Variants in PADI6 observed in about 807,000 individuals in gnomAD.
PADI6 encodes the protein peptidyl arginine deiminase 6, also known as inactive protein-arginine deiminase type-6.
PADI6 carries 66 observed loss-of-function variants against 78.2 expected under a neutral mutation model. The observed-to-expected ratio is 0.84, with a 90% CI of 0.69 to 1.04. The LOEUF is 1.04. PADI6 is among the 50% of genes least tolerant of loss of function. PADI6 has a pLI of 0.00. For missense variants in PADI6, 854 were observed against 866.1 expected, an observed-to-expected ratio of 0.99 and a Z score of 0.18; for synonymous variants, 397 against 346.9, an observed-to-expected ratio of 1.14 and a Z score of -1.60.
At chr1:17,390,819 G>A (rs946628419) in intron 8 of PADI6, among the ~76,000 whole-genome samples, 6 of 152,216 alleles carry the variant, frequency 3.9e-5, no homozygotes, top group South Asian at 2.1e-4. Context: ...ATTTGAAGAC[G>A]GGTTTCTCAC....
At chr1:17,398,049 C>T (rs2100326903) in intron 14 of PADI6, among the ~76,000 whole-genome samples, 1 of 152,156 alleles carries the variant, frequency 6.6e-6, no homozygotes, top group East Asian at 1.9e-4. Context: ...AGCAGAGTCT[C>T]CCCAACTTGT....
chr1:17,390,962 C>T (rs185904930), intron 8 of PADI6, among the ~76,000 whole-genome samples: 17 of 152,302 alleles, frequency 1.1e-4, no homozygotes, highest in Non-Finnish European at 1.5e-4. Flanking sequence ...CCCCAGTAAG[C>T]GTCAGACTGT....
Position 17,380,937 on chromosome 1 carries a change from C to T in PADI6, c.436-110C>T, listed in dbSNP as rs998226117. Reference sequence around the variant, plus strand: ...CCTCACCAGTCCTGTTCCATGGGTCCCTGTACCCTGGAGAAAGGCTTGGCT... The same window carrying T: ...CCTCACCAGTCCTGTTCCATGGGTCTCTGTACCCTGGAGAAAGGCTTGGCT... On this transcript the variant is annotated intron_variant, in intron 4 of 15. Coordinates refer to ENST00000619609, the MANE Select transcript of PADI6 (RefSeq NM_207421.4). 41 of 864,740 alleles carry T rather than the reference C, an allele frequency of 4.7e-5. No individual in the cohort carries two copies. In the South Asian group the frequency reaches 4.9e-4, roughly 10 times the overall value. The allele number at this position is 864,740 out of a possible 1,614,324, so 53.6% of individuals were successfully genotyped here.
rs538965887 is a variant in PADI6 at position 17,385,085 on chromosome 1, C to T, written c.679+2993C>T. On this transcript the variant is annotated intron_variant, in intron 6 of 15. Transcript: ENST00000619609. The stretch of plus-strand genomic sequence containing the variant: ...AAGACAAGGTTCTAAACAGGCTGGG[C>T]GTGGTGGCTCACACCTGTAATCCCA... 1.6e-4 allele frequency among the ~76,000 whole-genome samples: 24 copies of T among 151,812 alleles called. No homozygotes were observed. In the South Asian group the frequency reaches 3.3e-3, roughly 21 times the overall value.
At chr1:17,377,360 A>G (rs369249259) in intron 3 of PADI6, among the ~76,000 whole-genome samples, 15 of 152,194 alleles carry the variant, frequency 9.9e-5, no homozygotes, top group East Asian at 7.7e-4. Flanking sequence ...GTTCCTTCTC[A>G]GAACCCTTTG....
At chr1:17,398,654 G>GCTCCCCCCCCCC in intron 14 of PADI6, 32 bp from the exon 15 acceptor site, 3 of 173,478 alleles carry the variant, frequency 1.7e-5, no homozygotes, top group Non-Finnish European at 2.3e-5. Context: ...TTGCTCCCCC[G>GCTCCCCCCCCCC]CCCCCCCCCC....
At position 17,388,884 on chromosome 1, in the gene PADI6, A is replaced by G; in HGVS notation, c.962+4A>G. The G allele has an allele frequency of 1.2e-6, 2 of 1,609,808 alleles. No homozygotes were observed. The highest frequency in any genetic ancestry group is 1.7e-5 in the Admixed American group (1 of 59,786). On this transcript the variant is annotated splice_donor_region_variant and intron_variant, in intron 8 of 15. Coordinates refer to ENST00000619609, the MANE Select transcript of PADI6 (RefSeq NM_207421.4). ...CTCTGGAGGTTTACCTGTGCAGGTG[A>G]GAGACCATCAGGCTGACTGTGCCAG...
At chr1:17,376,688 G>A (rs923311754) in intron 3 of PADI6, among the ~76,000 whole-genome samples, 1 of 151,778 alleles carries the variant, frequency 6.6e-6, no homozygotes, top group African/African-American at 2.4e-5. Flanking sequence ...GTGAGCCACT[G>A]TGCTGGGCCT....
At chr1:17,376,730 C>G (rs1269514366) in intron 3 of PADI6, among the ~76,000 whole-genome samples, 2 of 152,038 alleles carry the variant, frequency 1.3e-5, no homozygotes, top group Non-Finnish European at 2.9e-5. Flanking sequence ...TCTCCCACCT[C>G]TCTTCCTGAG....
Position 17,393,991 on chromosome 1 carries a change from G to C in PADI6, c.1091G>C (p.Cys364Ser). 2 of 1,613,854 alleles carry C rather than the reference G, an allele frequency of 1.2e-6. No homozygotes were observed. The highest frequency in any genetic ancestry group is 1.7e-6 in the Non-Finnish European group (2 of 1,179,848). ...GRWLQDEMAF[C>S]YTQAPHKTTS... ...CCATTCCAGGATGAGATGGCCTTCT[G>C]CTACACCCAGGCTCCCCACAAGACA... Residue 364 changes from cysteine (C) to serine (S), a missense_variant, in exon 10 of 16, where the codon TGC (cysteine) becomes TCC (serine). By Grantham distance (112) the Cys-to-Ser change is moderately radical (BLOSUM62 -1). Coordinates refer to ENST00000619609, the MANE Select transcript of PADI6 (RefSeq NM_207421.4).
intron 14 of PADI6, 97 bp downstream of exon 14, chr1:17,397,238 TGGGCGGCGGG>T: frequency 7.3e-7 from 1 of 1,361,548 alleles, no homozygotes; most frequent in Non-Finnish European, 1.0e-6. Context: ...GGTGAAGTGT[TGGGCGGCGGG>T]GGGCAGCTGC....
At chr1:17,380,233 GGA>G (rs1254831241) in intron 4 of PADI6, among the ~76,000 whole-genome samples, 1 of 151,882 alleles carries the variant, frequency 6.6e-6, no homozygotes, top group East Asian at 1.9e-4. Flanking sequence ...TGTTTTTGAT[GGA>G]GTTTCCCTCT....
intron 2 of PADI6, among the ~76,000 whole-genome samples, chr1:17,374,265 A>G (rs2074994096): frequency 6.6e-6 from 1 of 151,844 alleles, no homozygotes; most frequent in South Asian, 2.1e-4. Flanking sequence ...AGGTACACAC[A>G]CCCACCTGCG....
chr1:17,388,428 G>A lies in PADI6; in HGVS notation c.727G>A (p.Ala243Thr), dbSNP rs368705075. 40 of 1,613,734 alleles carry A rather than the reference G, an allele frequency of 2.5e-5. No homozygotes were observed. The highest frequency in any genetic ancestry group is 1.4e-4 in the South Asian group (13 of 91,004). ...FELVLGPDQH[A>T]YTLALLGNHL... is the part of the protein sequence containing the mutation. ...GTTGGTGCTGGGGCCCGACCAGCAC[G>A]CCTATACCTTGGCCCTCCTCGGGAA... The change falls in exon 7 of 16, where the codon GCC becomes ACC. Residue 243 changes from alanine to threonine, a missense_variant. Ala to Thr is a moderately conservative substitution (Grantham distance 58). Transcript: ENST00000619609.
intron 9 of PADI6, among the ~76,000 whole-genome samples, chr1:17,392,984 AAAAAT>A (rs1206131373): frequency 6.6e-6 from 1 of 152,140 alleles, no homozygotes; most frequent in Admixed American, 6.5e-5. Context: ...TCTCTACTAA[AAAAAT>A]ACAAAAATCA....
At chr1:17,384,499 G>C (rs1553152866) in intron 6 of PADI6, among the ~76,000 whole-genome samples, 1 of 152,020 alleles carries the variant, frequency 6.6e-6, no homozygotes, top group African/African-American at 2.4e-5. Context: ...AGCACTTTGA[G>C]TAGACCAAGA....
intron 14 of PADI6, among the ~76,000 whole-genome samples, chr1:17,398,262 T>G (rs2075265723): frequency 6.6e-6 from 1 of 152,154 alleles, no homozygotes; most frequent in Non-Finnish European, 1.5e-5. Context: ...GGCATGGGGC[T>G]GAGACAGCAT....
At chr1:17,376,584 G>C (rs903510645) in intron 3 of PADI6, among the ~76,000 whole-genome samples, 1 of 150,840 alleles carries the variant, frequency 6.6e-6, no homozygotes. Context: ...ATTTTTAGTG[G>C]AGACGGGATT....
chr1:17,399,494 C>T (rs1170155174), intron 15 of PADI6, among the ~76,000 whole-genome samples: 1 of 152,004 alleles, frequency 6.6e-6, no homozygotes, highest in Non-Finnish European at 1.5e-5. Flanking sequence ...ACTCAGGAGG[C>T]AGAGACAGGA....
Sources: gnomAD v4.1 joint callset for allele counts (sites outside exome capture counted in the v4.1 genomes callset) on GRCh38, gnomAD v4.1.1 for gene constraint, MANE v1.5 for transcripts, NCBI Gene and HGNC (gene_info 2026-07-23, HGNC 2026-07-21) for gene names.